ADAMTSL1: variants seen among roughly 807,000 people sequenced by gnomAD.
ADAMTSL1 encodes the protein ADAMTS-like protein 1.
ADAMTSL1 carries 126 observed loss-of-function variants against 201.8 expected under a neutral mutation model. The ratio of observed to expected loss-of-function variants is 0.62; its 90% confidence interval spans 0.54 to 0.72. The LOEUF (loss-of-function observed/expected upper bound fraction) is 0.72. ADAMTSL1 is among the 30% of genes least tolerant of loss of function. ADAMTSL1 has a pLI of 0.00. For synonymous variants in ADAMTSL1, 1,121 were observed against 903.4 expected, an observed-to-expected ratio of 1.24 and a Z score of -4.32; for missense variants, 2,679 against 2,277.8, an observed-to-expected ratio of 1.18 and a Z score of -3.59.
Position 18,795,509 on chromosome 9 carries a change from G to C in ADAMTSL1, c.3790G>C (p.Ala1264Pro). 1 of 1,612,802 alleles carries C rather than the reference G, an allele frequency of 6.2e-7. No homozygotes were observed. The highest frequency in any genetic ancestry group is 1.1e-5 in the South Asian group (1 of 90,862). Residue 1264 changes from alanine to proline, a missense_variant, in exon 20 of 29, where the codon GCC (alanine) becomes CCC (proline). Physicochemically the swap from Ala to Pro is conservative, Grantham distance 27. Coordinates refer to ENST00000380548, the MANE Select transcript of ADAMTSL1 (RefSeq NM_001040272.6). ...CTTGGGATACGACTCTGTCTCCATT[G>C]CCGTCACATTAGCAGGTAACCCAAA... is the stretch of plus-strand genomic sequence containing the variant. ...NALGYDSVSI[A>P]VTLAGKPLVK...
chr9:18,800,377 C>CAAAAAAAAA (rs58346548), intron 20 of ADAMTSL1, among the ~76,000 whole-genome samples: 18 of 60,666 alleles, frequency 3.0e-4, no homozygotes, highest in Admixed American at 4.8e-4. Context: ...AACTCCATCT[C>CAAAAAAAAA]AAAAAAAAAA....
chr9:18,355,245 T>G (rs779375507), intron 2 of ADAMTSL1, among the ~76,000 whole-genome samples: 3 of 152,208 alleles, frequency 2.0e-5, no homozygotes, highest in Non-Finnish European at 4.4e-5. Context: ...ACCAGTTATT[T>G]GAAGGTCCTT....
rs530861924 is a variant in ADAMTSL1, at chr9:18,035,420, G to A, written c.88-128442G>A. Among the ~76,000 whole-genome samples, 20 of 152,266 alleles carry A rather than the reference G, an allele frequency of 1.3e-4. 1 individual carries two copies. Among genetic ancestry groups the A allele is most frequent in the African/African-American group, 4.1e-4 (17 of 41,550 alleles). ...GTGTCCTTTATCTTGTAGGGATTGC[G>A]ATGGTGAGGAGATATGAGGAAGAGG... On this transcript the variant is annotated intron_variant, in intron 1 of 29. Transcript: ENST00000680146.
chr9:18,476,989 G>A (rs181050166), intron 1 of ADAMTSL1, among the ~76,000 whole-genome samples: 1 of 152,200 alleles, frequency 6.6e-6, no homozygotes, highest in Non-Finnish European at 1.5e-5. Flanking sequence ...ATATTTTCAT[G>A]CACAGAACTT....
chr9:17,999,084 A>G (rs113186947), intron 1 of ADAMTSL1, among the ~76,000 whole-genome samples: 2,567 of 152,196 alleles, frequency 0.017, 30 homozygotes, highest in Non-Finnish European at 0.027. Context: ...TATGGTGAAT[A>G]AAGAAATAAT....
intron 3 of ADAMTSL1, among the ~76,000 whole-genome samples, chr9:18,538,402 T>A (rs964349083): frequency 3.9e-5 from 6 of 152,136 alleles, no homozygotes; most frequent in Admixed American, 6.5e-5. Context: ...TGAGCCTCAG[T>A]TTCTACACTC....
intron 2 of ADAMTSL1, among the ~76,000 whole-genome samples, chr9:18,330,316 T>C (rs1384492888): frequency 1.3e-5 from 2 of 152,122 alleles, no homozygotes; most frequent in African/African-American, 4.8e-5. Context: ...ATTATCTTCC[T>C]TCTACCCTTT....
At chr9:18,349,061 T>C (rs1209666938) in intron 2 of ADAMTSL1, among the ~76,000 whole-genome samples, 1 of 152,156 alleles carries the variant, frequency 6.6e-6, no homozygotes, top group Non-Finnish European at 1.5e-5. Flanking sequence ...TCCAAAGTCA[T>C]ACATTTTACT....
intron 1 of ADAMTSL1, among the ~76,000 whole-genome samples, chr9:18,122,044 A>T (rs516188): frequency 1 from 152,244 of 152,308 alleles, 76,090 homozygotes; most frequent in Middle Eastern, 1. Flanking sequence ...ATAGGAAAAT[A>T]TGCCTTCCTT....
intron 2 of ADAMTSL1, among the ~76,000 whole-genome samples, chr9:18,307,611 A>G (rs1833959831): frequency 6.6e-6 from 1 of 152,190 alleles, no homozygotes; most frequent in Non-Finnish European, 1.5e-5. Context: ...GCATTACATA[A>G]TGGTAAAGGG....
At chr9:18,368,772 T>A (rs1402205565) in intron 2 of ADAMTSL1, among the ~76,000 whole-genome samples, 2 of 152,264 alleles carry the variant, frequency 1.3e-5, no homozygotes, top group African/African-American at 2.4e-5. Flanking sequence ...GCCCATGTTA[T>A]GATCATTTCA....
chr9:18,836,250 C>T (rs1273856224), intron 23 of ADAMTSL1, among the ~76,000 whole-genome samples: 1 of 151,962 alleles, frequency 6.6e-6, no homozygotes, highest in African/African-American at 2.4e-5. Context: ...AATGTCTGTT[C>T]CTGTCTTTTG....
chr9:17,962,866 G>T (rs1309070699), intron 1 of ADAMTSL1, among the ~76,000 whole-genome samples: 1 of 152,222 alleles, frequency 6.6e-6, no homozygotes, highest in African/African-American at 2.4e-5. Flanking sequence ...CACACTCAAA[G>T]TACATGGCCT....
chr9:18,242,952 A>G (rs1306715235), intron 2 of ADAMTSL1, among the ~76,000 whole-genome samples: 3 of 152,172 alleles, frequency 2.0e-5, no homozygotes. Context: ...TGCAACATCT[A>G]TCAAAATCCT....
chr9:18,549,265 G>C (rs1329823691), intron 3 of ADAMTSL1, among the ~76,000 whole-genome samples: 1 of 151,998 alleles, frequency 6.6e-6, no homozygotes, highest in Non-Finnish European at 1.5e-5. Context: ...ATGAAACTTA[G>C]ACTAAAGGCT....
chr9:18,495,676 G>A (rs1822498718), intron 1 of ADAMTSL1, among the ~76,000 whole-genome samples: 1 of 152,206 alleles, frequency 6.6e-6, no homozygotes, highest in African/African-American at 2.4e-5. Context: ...TATGGTAATT[G>A]AGAGAGCTAC....
At position 18,310,386 on chromosome 9, in the gene ADAMTSL1, A is replaced by AC. The variant is rs1341427188; in HGVS notation, c.207+146405_207+146406insC. On this transcript the variant is annotated intron_variant, in intron 2 of 29. Coordinates refer to the ADAMTSL1 transcript ENST00000680146. Reference sequence around the variant, plus strand: ...CTGCATAGCAAAAAAAAAAAAAAAAAAAAAAAAAAAAAACTATCTTCAGAG... The same window carrying AC: ...CTGCATAGCAAAAAAAAAAAAAAAAACAAAAAAAAAAAAACTATCTTCAGAG... 3.6e-3 allele frequency among the ~76,000 whole-genome samples: 516 copies of AC among 145,156 alleles called. 5 individuals carry two copies. Among genetic ancestry groups the AC allele is most frequent in the African/African-American group, 0.012 (478 of 40,154 alleles).
At chr9:18,850,106 C>T (rs757880498) in intron 23 of ADAMTSL1, among the ~76,000 whole-genome samples, 21 of 152,314 alleles carry the variant, frequency 1.4e-4, no homozygotes, top group African/African-American at 1.9e-4. Flanking sequence ...TGTTCTAAGC[C>T]ATAGCGAGCA....
At chr9:18,166,396 T>A (rs1827634133) in intron 2 of ADAMTSL1, among the ~76,000 whole-genome samples, 1 of 151,958 alleles carries the variant, frequency 6.6e-6, no homozygotes, top group African/African-American at 2.4e-5. Flanking sequence ...CATCACGGAA[T>A]ATGCATGAAA....
Sources: allele counts gnomAD v4.1 joint callset (sites outside exome capture counted in the v4.1 genomes callset), GRCh38; gene constraint gnomAD v4.1.1; transcripts MANE v1.5; gene names NCBI Gene and HGNC (gene_info 2026-07-23, HGNC 2026-07-21).